Variants in KCNG2 observed in about 807,000 individuals in gnomAD.
KCNG2 encodes the protein voltage-gated potassium channel regulatory subunit KCNG2.
KCNG2 carries 7 observed loss-of-function variants against 12.3 expected under a neutral mutation model. That is an observed-to-expected ratio of 0.57 (90% CI 0.32 to 1.07). The LOEUF (loss-of-function observed/expected upper bound fraction) is 1.07, where lower values mean the gene tolerates loss of function less well. Ranked by LOEUF, KCNG2 falls within the 50% of genes least tolerant of loss-of-function variation. KCNG2 has a pLI of 0.04. For missense variants in KCNG2, 703 were observed against 726.0 expected (o/e 0.97, Z 0.36); for synonymous variants, 414 against 351.4 (o/e 1.18, Z -1.99).
At chr18:79,889,048 A>C (rs1980654983) in intron 3 of KCNG2, among the ~76,000 whole-genome samples, 1 of 152,156 alleles carries the variant, frequency 6.6e-6, no homozygotes, top group Non-Finnish European at 1.5e-5. Flanking sequence ...TCTATCCTGG[A>C]TGCAAGTCCC....
At chr18:79,841,344 G>A (rs1398685236) in intron 1 of KCNG2, among the ~76,000 whole-genome samples, 1 of 151,992 alleles carries the variant, frequency 6.6e-6, no homozygotes, top group African/African-American at 2.4e-5. Context: ...TCGAGATGTT[G>A]GGCTAAGCAA....
intron 3 of KCNG2, among the ~76,000 whole-genome samples, chr18:79,882,787 G>T (rs1343488281): frequency 6.7e-6 from 1 of 149,474 alleles, no homozygotes; most frequent in African/African-American, 2.4e-5. Context: ...ACCTGCGCGT[G>T]GAGCGCGGAG....
At chr18:79,815,345 T>G (rs1030724505) in intron 1 of KCNG2, among the ~76,000 whole-genome samples, 1 of 146,850 alleles carries the variant, frequency 6.8e-6, no homozygotes, top group African/African-American at 2.5e-5. Flanking sequence ...GAGGCTGAGG[T>G]GGGAGGATCA....
chr18:79,815,813 G>A (rs573753935), intron 1 of KCNG2, among the ~76,000 whole-genome samples: 1 of 152,258 alleles, frequency 6.6e-6, no homozygotes, highest in Admixed American at 6.5e-5. Context: ...ACCCAAGTCT[G>A]GGGCTCCCCG....
At position 79,798,011 on chromosome 18, in the gene KCNG2, G is replaced by A. The variant is rs1213143825; in HGVS notation, c.-118G>A. 6.7e-6 allele frequency among the ~76,000 whole-genome samples: 1 copy of A among 148,958 alleles called. No individual in the cohort carries two copies. Among genetic ancestry groups the A allele is most frequent in the African/African-American group, 2.4e-5 (1 of 41,056 alleles). ...GCCCGGAGCTCGCGGAGTCTGGACCGCAGGTAAAGTTGAGCGCGCCGTGGG... is the reference window on the plus strand; with the variant it reads ...GCCCGGAGCTCGCGGAGTCTGGACCACAGGTAAAGTTGAGCGCGCCGTGGG... On this transcript the variant is annotated 5_prime_UTR_variant, in exon 1 of 4. Transcript: ENST00000316249.
chr18:79,877,479 A>C (rs1404152594), intron 3 of KCNG2, among the ~76,000 whole-genome samples: 1 of 152,128 alleles, frequency 6.6e-6, no homozygotes, highest in East Asian at 1.9e-4. Context: ...CCCAACAGGA[A>C]AATCGCGAGC....
intron 2 of KCNG2, among the ~76,000 whole-genome samples, chr18:79,861,341 C>T (rs1394980044): frequency 7.0e-6 from 1 of 141,846 alleles, no homozygotes; most frequent in African/African-American, 2.6e-5. Context: ...TGCAGTGGCG[C>T]GATCTCGGCT....
intron 1 of KCNG2, among the ~76,000 whole-genome samples, chr18:79,806,363 G>A (rs1293952979): frequency 6.6e-6 from 1 of 152,206 alleles, no homozygotes; most frequent in African/African-American, 2.4e-5. Flanking sequence ...AGACAAGGCC[G>A]CTGTGTCAGG....
chr18:79,863,655 T>C lies in KCNG2; in HGVS notation c.-13T>C. Reference sequence around the variant, plus strand: ...GCCGGGCAGGAGCCCCTCGGTCCGGTCCGGCCCTGCGCATGGAGCCATGGC... The same window carrying C: ...GCCGGGCAGGAGCCCCTCGGTCCGGCCCGGCCCTGCGCATGGAGCCATGGC... On this transcript the variant is annotated 5_prime_UTR_variant, in exon 3 of 4. Coordinates refer to ENST00000316249, the MANE Select transcript of KCNG2 (RefSeq NM_012283.2). 8.3e-7 allele frequency: 1 copy of C among 1,212,056 alleles called. No homozygotes were observed. The highest frequency in any genetic ancestry group is 4.0e-5 in the South Asian group (1 of 24,826). 75.1% of individuals were successfully genotyped at this position (1,212,056 alleles called of 1,614,324 possible). A position where few individuals can be genotyped will look rare whatever the true frequency, so the allele number is the denominator to read the frequency against.
intron 2 of KCNG2, among the ~76,000 whole-genome samples, chr18:79,862,953 C>T (rs1023205455): frequency 6.6e-6 from 1 of 152,184 alleles, no homozygotes; most frequent in South Asian, 2.1e-4. Context: ...AGCTGGGGAG[C>T]GACAAAGCTT....
At chr18:79,825,470 T>C (rs759664763) in intron 1 of KCNG2, among the ~76,000 whole-genome samples, 4 of 152,252 alleles carry the variant, frequency 2.6e-5, no homozygotes, top group Non-Finnish European at 5.9e-5. Flanking sequence ...ATATCTTTCC[T>C]GTCCTTTTCT....
At chr18:79,867,599 G>A (rs1052116659) in intron 3 of KCNG2, among the ~76,000 whole-genome samples, 1 of 149,858 alleles carries the variant, frequency 6.7e-6, no homozygotes, top group African/African-American at 2.5e-5. Flanking sequence ...CGTGTCTGGG[G>A]GGGGACCGTG....
At position 79,887,054 on chromosome 18, in the gene KCNG2, G is replaced by T. The variant is rs865839703; in HGVS notation, c.625-11986G>T. On this transcript the variant is annotated intron_variant, in intron 3 of 3. Transcript: ENST00000316249. ...GAGATGGGGATGGGAACATAGGGAC[G>T]TGGGGACAGGGACATGGGGACACGG... Among the ~76,000 whole-genome samples, 83 of 140,976 alleles carry T rather than the reference G, an allele frequency of 5.9e-4. 1 individual carries two copies. Among genetic ancestry groups the T allele is most frequent in the Admixed American group, 5.5e-3 (78 of 14,256 alleles). The allele number at this position is 140,976 out of a possible 152,430, so 92.5% of individuals were successfully genotyped here. A position where few individuals can be genotyped will look rare whatever the true frequency, so the allele number is the denominator to read the frequency against.
intron 1 of KCNG2, among the ~76,000 whole-genome samples, chr18:79,852,486 G>GCCTT (rs1159736997): frequency 1.3e-5 from 2 of 152,272 alleles, no homozygotes; most frequent in African/African-American, 4.8e-5. Context: ...AGCGGGGGAA[G>GCCTT]CGTTCCCTTA....
intron 2 of KCNG2, among the ~76,000 whole-genome samples, chr18:79,857,973 T>C (rs1245064868): frequency 6.6e-6 from 1 of 152,148 alleles, no homozygotes; most frequent in Non-Finnish European, 1.5e-5. Flanking sequence ...TTTCTGTCTC[T>C]GTGAATTTAC....
chr18:79,873,589 C>T (rs1005206734), intron 3 of KCNG2, among the ~76,000 whole-genome samples: 1 of 152,146 alleles, frequency 6.6e-6, no homozygotes. Flanking sequence ...GAGCGTTTTC[C>T]TGGGAGCTGG....
intron 3 of KCNG2, among the ~76,000 whole-genome samples, chr18:79,871,535 C>A (rs1471496607): frequency 6.6e-6 from 1 of 152,044 alleles, no homozygotes; most frequent in African/African-American, 2.4e-5. Context: ...GTATTAGGGC[C>A]ACAACAGATC....
At chr18:79,817,448 G>A (rs1322634914) in intron 1 of KCNG2, among the ~76,000 whole-genome samples, 1 of 152,200 alleles carries the variant, frequency 6.6e-6, no homozygotes, top group Non-Finnish European at 1.5e-5. Context: ...GCTGTCACAT[G>A]GTTGTCACAC....
intron 3 of KCNG2, among the ~76,000 whole-genome samples, chr18:79,870,318 G>A (rs969543476): frequency 6.6e-6 from 1 of 152,234 alleles, no homozygotes; most frequent in Non-Finnish European, 1.5e-5. Flanking sequence ...GACAGGGCTT[G>A]ATGATTGCAA....
Sources: allele counts gnomAD v4.1 joint callset (sites outside exome capture counted in the v4.1 genomes callset), GRCh38; gene constraint gnomAD v4.1.1; transcripts MANE v1.5; gene names NCBI Gene and HGNC (gene_info 2026-07-23, HGNC 2026-07-21).